Variants in SUGCT observed in about 807,000 individuals in gnomAD.
The protein encoded by SUGCT is succinyl-CoA:glutarate CoA-transferase.
A neutral mutation model predicts 55.0 loss-of-function variants in SUGCT; 41 were observed. The ratio of observed to expected loss-of-function variants is 0.74; its 90% confidence interval spans 0.58 to 0.97. The LOEUF (loss-of-function observed/expected upper bound fraction) is 0.97. SUGCT is among the 50% of genes least tolerant of loss of function. The pLI is 0.00. For missense variants in SUGCT, 568 were observed against 547.8 expected, an observed-to-expected ratio of 1.04 and a Z score of -0.37; for synonymous variants, 187 against 200.4, an observed-to-expected ratio of 0.93 and a Z score of 0.56.
intron 13 of SUGCT, among the ~76,000 whole-genome samples, chr7:40,847,411 C>CTTTTTTTTTTTTTTTT (rs981613426): frequency 1.3e-5 from 1 of 75,398 alleles, no homozygotes; most frequent in Admixed American, 1.6e-4. Flanking sequence ...TTCTTTCTTT[C>CTTTTTTTTTTTTTTTT]TTTTTTTTTT....
chr7:40,863,437 A>G (rs147718794), downstream of SUGCT, among the ~76,000 whole-genome samples: 464 of 152,226 alleles, frequency 3.0e-3, 3 homozygotes, highest in African/African-American at 0.011. Flanking sequence ...GGCTTTATAG[A>G]TATGAAACTT....
chr7:40,195,168 T>A, intron 6 of SUGCT, 108 bp downstream of exon 6: 1 of 1,288,702 alleles, frequency 7.8e-7, no homozygotes, highest in Non-Finnish European at 1.0e-6. Flanking sequence ...GAAGTTATTC[T>A]GTTTTCCTTT....
At chr7:40,322,549 C>G (rs1795811246) in intron 9 of SUGCT, among the ~76,000 whole-genome samples, 1 of 152,168 alleles carries the variant, frequency 6.6e-6, no homozygotes, top group Admixed American at 6.5e-5. Context: ...TGAGGGAGCT[C>G]ACAGTTTATT....
At chr7:40,536,873 C>T (rs4723970) in intron 12 of SUGCT, among the ~76,000 whole-genome samples, 14,342 of 152,094 alleles carry the variant, frequency 0.094, 727 homozygotes, top group African/African-American at 0.11. Context: ...AAGTTAACAG[C>T]GGAATATTCT....
chr7:40,237,494 C>T (rs941917746), intron 6 of SUGCT, 141 bp from the exon 7 acceptor site: 4 of 657,206 alleles, frequency 6.1e-6, no homozygotes, highest in South Asian at 2.0e-5. Flanking sequence ...TTCTTACTGC[C>T]TTCTTCAAGG....
intron 1 of SUGCT, chr7:40,153,215 TTAG>T (rs1788673649): frequency 7.9e-6 from 3 of 380,248 alleles, no homozygotes; most frequent in South Asian, 6.3e-5. Context: ...GATAGCAACA[TTAG>T]TAGGTGATGA....
At chr7:40,717,884 G>T (rs748029644) in intron 12 of SUGCT, among the ~76,000 whole-genome samples, 1 of 151,900 alleles carries the variant, frequency 6.6e-6, no homozygotes, top group African/African-American at 2.4e-5. Context: ...TATATTAGAG[G>T]TAGTTACTGA....
chr7:40,683,071 T>C (rs1163689900), intron 12 of SUGCT, among the ~76,000 whole-genome samples: 1 of 152,144 alleles, frequency 6.6e-6, no homozygotes, highest in African/African-American at 2.4e-5. Flanking sequence ...TATCAGTAAA[T>C]TATCCTTTTA....
intron 12 of SUGCT, among the ~76,000 whole-genome samples, chr7:40,714,535 C>G (rs746826867): frequency 5.4e-4 from 82 of 152,246 alleles, no homozygotes; most frequent in Non-Finnish European, 1.0e-3. Flanking sequence ...AGAGCAGAGC[C>G]TCTCTCCAGC....
intron 11 of SUGCT, among the ~76,000 whole-genome samples, chr7:40,470,359 A>C (rs1790342216): frequency 6.6e-6 from 1 of 152,046 alleles, no homozygotes; most frequent in African/African-American, 2.4e-5. Flanking sequence ...TTGATCTTGC[A>C]TCAACTGATG....
rs57348487 is a variant in SUGCT, at chr7:40,249,313, C to CTATATATA, written c.576+11614_576+11621dup. 9.8e-3 allele frequency among the ~76,000 whole-genome samples: 781 copies of CTATATATA among 79,344 alleles called. 7 individuals are homozygous for CTATATATA. The highest frequency in any genetic ancestry group is 0.014 in the Middle Eastern group (2 of 146). The allele number at this position is 79,344 out of a possible 152,430, so 52.1% of individuals were successfully genotyped here. ...TCTTAAAACAAAAAACACCAAAAAG[C>CTATATATA]TATATATATATATATATATATATAT... On this transcript the variant is annotated intron_variant, in intron 7 of 13. Coordinates refer to ENST00000335693, the MANE Select transcript of SUGCT (RefSeq NM_001193313.2).
intron 8 of SUGCT, among the ~76,000 whole-genome samples, chr7:40,279,567 GACA>G (rs1054514655): frequency 6.6e-6 from 1 of 152,084 alleles, no homozygotes; most frequent in African/African-American, 2.4e-5. Context: ...GTTTAATGAT[GACA>G]ACATTAATTT....
At chr7:40,898,110 T>C in the SUGCT span, among the ~76,000 whole-genome samples, 1 of 152,154 alleles carries the variant, frequency 6.6e-6, no homozygotes, top group Non-Finnish European at 1.5e-5. Flanking sequence ...CCAGAAGGTC[T>C]GCAGCTTCAC....
intron 12 of SUGCT, among the ~76,000 whole-genome samples, chr7:40,676,508 T>TTG (rs1359375652): frequency 1.3e-5 from 2 of 150,152 alleles, no homozygotes; most frequent in African/African-American, 4.9e-5. Flanking sequence ...TTTTTTGTTT[T>TTG]TTTTTTTTTT....
At chr7:40,799,109 TTTC>T (rs1334041463) in intron 13 of SUGCT, among the ~76,000 whole-genome samples, 1 of 152,078 alleles carries the variant, frequency 6.6e-6, no homozygotes, top group African/African-American at 2.4e-5. Context: ...CCCAAACACA[TTTC>T]CAGTCAGATC....
chr7:40,975,228 C>T, the SUGCT span, among the ~76,000 whole-genome samples: 8 of 152,130 alleles, frequency 5.3e-5, no homozygotes, highest in African/African-American at 1.4e-4. Flanking sequence ...ATTTCTTCAT[C>T]GTGTTCTACA....
At position 40,525,286 on chromosome 7, in the gene SUGCT, A is replaced by G. The variant is rs534875507; in HGVS notation, c.1089+28900A>G. On this transcript the variant is annotated intron_variant, in intron 12 of 13. Transcript: ENST00000335693. ...AACATTCGTGACATGTTTTTAAGATAGTGAATATAGAACTGTGATTGGAGT... is the reference window on the plus strand; with the variant it reads ...AACATTCGTGACATGTTTTTAAGATGGTGAATATAGAACTGTGATTGGAGT... 4.6e-5 allele frequency among the ~76,000 whole-genome samples: 7 copies of G among 152,314 alleles called. No individual in the cohort carries two copies. In the South Asian group the frequency reaches 1.4e-3, roughly 32 times the overall value.
At chr7:40,911,958 A>G in the SUGCT span, among the ~76,000 whole-genome samples, 1 of 152,080 alleles carries the variant, frequency 6.6e-6, no homozygotes, top group African/African-American at 2.4e-5. Context: ...GATTGGTGGA[A>G]ATGTTGAAAA....
chr7:40,260,519 A>G (rs1369638754), intron 7 of SUGCT, among the ~76,000 whole-genome samples: 1 of 152,196 alleles, frequency 6.6e-6, no homozygotes, highest in Non-Finnish European at 1.5e-5. Flanking sequence ...AGCCTTTCTT[A>G]TTAGGTAAAA....
Sources: allele counts gnomAD v4.1 joint callset (sites outside exome capture counted in the v4.1 genomes callset), GRCh38; gene constraint gnomAD v4.1.1; transcripts MANE v1.5; gene names NCBI Gene and HGNC (gene_info 2026-07-23, HGNC 2026-07-21).